Variants in MAP3K3 observed in about 807,000 individuals in gnomAD.
MAP3K3 encodes mitogen-activated protein kinase kinase kinase 3.
A neutral mutation model predicts 80.9 loss-of-function variants in MAP3K3; 12 were observed. The observed-to-expected ratio is 0.15, with a 90% confidence interval of 0.10 to 0.24. MAP3K3 has a LOEUF of 0.24. Among genes scored for constraint, MAP3K3 ranks in the 10% least tolerant of loss-of-function variants. The pLI is 1.00. For missense variants in MAP3K3, 596 were observed against 834.7 expected, an observed-to-expected ratio of 0.71 and a Z score of 3.52; for synonymous variants, 272 against 307.1, an observed-to-expected ratio of 0.89 and a Z score of 1.19.
rs184697925 is a variant in MAP3K3 at position 63,638,634 on chromosome 17, G to A, written c.126+5832G>A. Among the ~76,000 whole-genome samples the A allele has an allele frequency of 3.3e-5, 5 of 152,316 alleles. No homozygotes were observed. In the East Asian group the frequency reaches 9.6e-4, roughly 29 times the overall value. ...CTGCTCTCACCGGATTGCCTGTGGT[G>A]GGGAGGGGACATGAAGCTGCTTAGA... On this transcript the variant is annotated intron_variant, in intron 2 of 15. Coordinates refer to ENST00000361733, the MANE Select transcript of MAP3K3 (RefSeq NM_002401.5).
At chr17:63,652,879 T>C (rs985474565) in intron 4 of MAP3K3, among the ~76,000 whole-genome samples, 2 of 152,200 alleles carry the variant, frequency 1.3e-5, no homozygotes, top group African/African-American at 4.8e-5. Flanking sequence ...ACTCATTCAG[T>C]GCAGATAGCT....
At chr17:63,644,363 C>T (rs1463771713) in intron 2 of MAP3K3, among the ~76,000 whole-genome samples, 3 of 151,940 alleles carry the variant, frequency 2.0e-5, no homozygotes, top group Non-Finnish European at 4.4e-5. Context: ...TACAGGTGTG[C>T]GCCATTACTC....
At chr17:63,648,763 C>T (rs148889887) in intron 3 of MAP3K3, among the ~76,000 whole-genome samples, 71 of 152,092 alleles carry the variant, frequency 4.7e-4, no homozygotes, top group African/African-American at 1.6e-3. Context: ...TGCAGTGAGC[C>T]GAGTTCGAGC....
chr17:63,685,341 TC>T (rs2035425843), intron 7 of MAP3K3, among the ~76,000 whole-genome samples, 175 bp from the exon 8 acceptor site: 1 of 152,190 alleles, frequency 6.6e-6, no homozygotes, highest in Non-Finnish European at 1.5e-5. Flanking sequence ...AACTTGCCTT[TC>T]AAACTAAGGG....
At chr17:63,646,109 G>A (rs1295635102) in intron 3 of MAP3K3, 35 bp downstream of exon 3, 3 of 1,595,532 alleles carry the variant, frequency 1.9e-6, no homozygotes, top group African/African-American at 1.3e-5. Context: ...CTGTGTTCAT[G>A]TATGCCAAAG....
rs1403853550 is a variant in MAP3K3 at position 63,638,842 on chromosome 17, C to T, written c.126+6040C>T. Among the ~76,000 whole-genome samples, 3 of 152,094 alleles carry T rather than the reference C, an allele frequency of 2.0e-5. No individual in the cohort carries two copies. In the East Asian group the frequency reaches 5.8e-4, roughly 29 times the overall value. ...CAGGCGGATCACCTGGCCTGGCCAACGTGGTGAAACCCTGTCTGTACAAAA... is the reference window on the plus strand; with the variant it reads ...CAGGCGGATCACCTGGCCTGGCCAATGTGGTGAAACCCTGTCTGTACAAAA... On this transcript the variant is annotated intron_variant, in intron 2 of 15. Transcript: ENST00000361733.
intron 2 of MAP3K3, among the ~76,000 whole-genome samples, chr17:63,634,413 G>C (rs2143193332): frequency 6.6e-6 from 1 of 152,332 alleles, no homozygotes; most frequent in Admixed American, 6.5e-5. Context: ...GCTGGGAAAA[G>C]GAGGGGCGGA....
At chr17:63,637,192 CAAAAAAAA>C (rs796796374) in intron 2 of MAP3K3, 10 of 77,878 alleles carry the variant, frequency 1.3e-4, no homozygotes, top group Non-Finnish European at 2.2e-4. Flanking sequence ...TGAGACCAAC[CAAAAAAAA>C]AAAAAAAAAA....
chr17:63,689,865 G>C lies in MAP3K3; in HGVS notation c.1063+130G>C, dbSNP rs888592330. Reference sequence around the variant, plus strand: ...GCTTTGGCCCAAATGCACCACATGGGATAAGCCTTGGAGTGTCTGAAGCCT... The same window carrying C: ...GCTTTGGCCCAAATGCACCACATGGCATAAGCCTTGGAGTGTCTGAAGCCT... On this transcript the variant is annotated intron_variant, in intron 11 of 15. Transcript: ENST00000361733. This position sits in a 1 kb window ranked among gnomAD's most constrained non-coding sequence, Gnocchi z 4.3. 3 of 816,436 alleles carry C rather than the reference G, an allele frequency of 3.7e-6. No individual in the cohort carries two copies. The South Asian group carries it at 5.4e-5, about 15-fold the overall frequency. The allele number at this position is 816,436 out of a possible 1,614,324, so 50.6% of individuals were successfully genotyped here.
chr17:63,656,328 C>T (rs995627915), intron 4 of MAP3K3, among the ~76,000 whole-genome samples: 2 of 151,682 alleles, frequency 1.3e-5, no homozygotes, highest in African/African-American at 2.4e-5. Context: ...TCTGACCAGG[C>T]GTGGTGGCTC....
chr17:63,663,445 T>C (rs2034936272), intron 5 of MAP3K3, among the ~76,000 whole-genome samples: 1 of 150,752 alleles, frequency 6.6e-6, no homozygotes, highest in Non-Finnish European at 1.5e-5. Flanking sequence ...GAGGTTGCAG[T>C]GAGCCGAGAT....
chr17:63,683,587 T>C (rs1158092679), intron 7 of MAP3K3, among the ~76,000 whole-genome samples: 2 of 152,204 alleles, frequency 1.3e-5, no homozygotes, highest in African/African-American at 2.4e-5. Context: ...AAGGCAGTGG[T>C]TGGGGATTGC....
In MAP3K3 at chr17:63,685,529, C is replaced by T. The variant is rs776374696; in HGVS notation, c.649C>T (p.Leu217=). 2.7e-5 allele frequency: 43 copies of T among 1,614,010 alleles called. No homozygotes were observed. Among genetic ancestry groups the T allele is most frequent in the Non-Finnish European group, 3.5e-5 (41 of 1,179,978 alleles). The stretch of plus-strand genomic sequence containing the variant: ...ACTTGCCTTACAGATGCTGGATCCC[C>T]TGAGCAGTGCAGAAAATTCCTTGTC... ...ETSEQCMLDP[L]SSAENSLSGS... The change falls in exon 8 of 16, where the codon CTG becomes TTG. Residue 217 remains leucine, a synonymous_variant. Coordinates refer to ENST00000361733, the MANE Select transcript of MAP3K3 (RefSeq NM_002401.5).
chr17:63,685,032 G>A (rs760754907), intron 7 of MAP3K3, among the ~76,000 whole-genome samples: 4 of 152,218 alleles, frequency 2.6e-5, no homozygotes, highest in Admixed American at 1.3e-4. Context: ...TCTGGTATCA[G>A]CTGTGCACTA....
intron 2 of MAP3K3, 37 bp from the exon 3 acceptor site, chr17:63,645,997 G>C: frequency 6.3e-7 from 1 of 1,593,182 alleles, no homozygotes; most frequent in East Asian, 2.2e-5. Flanking sequence ...ACACATTCCA[G>C]AGAATTCTCT....
Position 63,689,397 on chromosome 17 carries a change from C to T in MAP3K3, c.872-147C>T, listed in dbSNP as rs545692705. ...CAGGTGGGAGTGCGGACGGGATGGGCTGGAGCTGGTATTATCTATCACTTC... is the reference window on the plus strand; with the variant it reads ...CAGGTGGGAGTGCGGACGGGATGGGTTGGAGCTGGTATTATCTATCACTTC... On this transcript the variant is annotated intron_variant, in intron 10 of 15. Transcript: ENST00000361733. This position sits in a 1 kb window ranked among gnomAD's most constrained non-coding sequence, Gnocchi z 4.3. The T allele has an allele frequency of 3.1e-6, 2 of 649,654 alleles. No homozygotes were observed. Among genetic ancestry groups the T allele is most frequent in the Non-Finnish European group, 5.3e-6 (2 of 380,344 alleles). 40.2% of individuals were successfully genotyped at this position (649,654 alleles called of 1,614,324 possible).
At chr17:63,679,314 G>A (rs953238641) in intron 6 of MAP3K3, among the ~76,000 whole-genome samples, 13 of 152,124 alleles carry the variant, frequency 8.5e-5, no homozygotes, top group African/African-American at 3.1e-4. Context: ...GAGTCTCTCT[G>A]GCTCAGGGAG....
chr17:63,681,737 T>C (rs761375044), intron 6 of MAP3K3, 29 bp from the exon 7 acceptor site: 4 of 1,401,636 alleles, frequency 2.9e-6, no homozygotes, highest in African/African-American at 2.9e-5. Context: ...CTGGGCTCTG[T>C]TGTTGAAAGC....
Position 63,692,528 on chromosome 17 carries a change from G to T in MAP3K3, c.1652+109G>T. On this transcript the variant is annotated intron_variant, in intron 15 of 15. Transcript: ENST00000361733. This position sits in a 1 kb window ranked among gnomAD's most constrained non-coding sequence, Gnocchi z 4.5. ...GTGTGGCAGGAGGGAGTGTGCCCAG[G>T]GCCCAGGCTGCAGTGTGTGCAAGGG... The T allele has an allele frequency of 8.5e-7, 1 of 1,178,870 alleles. No homozygotes were observed. Among genetic ancestry groups the T allele is most frequent in the Non-Finnish European group, 1.2e-6 (1 of 853,300 alleles). The allele number at this position is 1,178,870 out of a possible 1,614,324, so 73.0% of individuals were successfully genotyped here.
Sources: allele counts gnomAD v4.1 joint callset (sites outside exome capture counted in the v4.1 genomes callset), GRCh38; gene constraint gnomAD v4.1.1; non-coding constraint Gnocchi (gnomAD v3.1); transcripts MANE v1.5; gene names NCBI Gene and HGNC (gene_info 2026-07-23, HGNC 2026-07-21).